Variants in MCC observed in about 807,000 individuals in gnomAD.
The protein encoded by MCC is colorectal mutant cancer protein.
A neutral mutation model predicts 116.2 loss-of-function variants in MCC; 90 were observed. That is an observed-to-expected ratio of 0.77 (90% CI 0.65 to 0.92). The LOEUF is 0.92. MCC is among the 40% of genes least tolerant of loss of function. The pLI, the probability that MCC is intolerant of heterozygous loss-of-function variation, is 0.00. For missense variants in MCC, 1,516 were observed against 1,312.2 expected (o/e 1.16, Z -2.40); for synonymous variants, 578 against 510.5 (o/e 1.13, Z -1.78).
intron 2 of MCC, among the ~76,000 whole-genome samples, chr5:113,353,152 C>T (rs1032719409): frequency 2.6e-5 from 4 of 152,132 alleles, no homozygotes; most frequent in Admixed American, 6.5e-5. Flanking sequence ...AGGCCTTTCA[C>T]GTGCTGTTTT....
chr5:113,068,869 G>A lies in MCC; in HGVS notation c.1926-686C>T, dbSNP rs145440160. ...TGACAGCTTGACCAGAATCTCACAA[G>A]AGACCCTGAACCAGAACCACCTACT... On this transcript the variant is annotated intron_variant, in intron 12 of 18. Coordinates refer to ENST00000408903, the MANE Select transcript of MCC (RefSeq NM_001085377.2). 3.6e-4 allele frequency among the ~76,000 whole-genome samples: 55 copies of A among 152,304 alleles called. 1 individual carries two copies. The highest frequency in any genetic ancestry group is 1.2e-3 in the African/African-American group (48 of 41,556).
rs1167420344 is a variant in MCC, at chr5:113,100,214, A to C, written c.1398+1525T>G. ...TAGCACAAATGAAGAAGAGTTGATA[A>C]CATTCAAAAATAGTAATTTCTTCCA... On this transcript the variant is annotated intron_variant, in intron 8 of 18. Transcript: ENST00000408903. Among the ~76,000 whole-genome samples the C allele has an allele frequency of 2.0e-5, 3 of 152,338 alleles. No individual in the cohort carries two copies. In the Middle Eastern group the frequency reaches 0.01, roughly 518 times the overall value.
chr5:113,116,182 G>A (rs1394892102), intron 6 of MCC, among the ~76,000 whole-genome samples: 1 of 152,162 alleles, frequency 6.6e-6, no homozygotes, highest in East Asian at 1.9e-4. Context: ...CTCATCCCAG[G>A]CCCTGTGACC....
intron 3 of MCC, among the ~76,000 whole-genome samples, chr5:113,289,385 C>G (rs1388413038): frequency 6.6e-6 from 1 of 151,406 alleles, no homozygotes; most frequent in Non-Finnish European, 1.5e-5. Flanking sequence ...TTGGACAAGG[C>G]TCTGTCATTT....
chr5:113,456,622 A>G (rs1771555470), intron 1 of MCC, among the ~76,000 whole-genome samples: 1 of 61,244 alleles, frequency 1.6e-5, no homozygotes, highest in African/African-American at 1.2e-4. Flanking sequence ...ATGCCCAGCT[A>G]ATTTTTTTTT....
intron 6 of MCC, among the ~76,000 whole-genome samples, chr5:113,116,960 G>A (rs758087007): frequency 6.6e-6 from 1 of 152,118 alleles, no homozygotes; most frequent in African/African-American, 2.4e-5. Flanking sequence ...AAAAGAAAAA[G>A]GTAACAAAGG....
chr5:113,035,984 C>A (rs1226124213), intron 17 of MCC, among the ~76,000 whole-genome samples: 1 of 140,376 alleles, frequency 7.1e-6, no homozygotes, highest in African/African-American at 2.6e-5. Context: ...TCAGTACTAT[C>A]ATGATTCTCA....
At chr5:113,169,898 G>C (rs545190723) in intron 3 of MCC, among the ~76,000 whole-genome samples, 1 of 152,200 alleles carries the variant, frequency 6.6e-6, no homozygotes, top group Non-Finnish European at 1.5e-5. Context: ...TGCACTGTTT[G>C]GGAGATCGGC....
At chr5:113,325,824 C>A (rs1767537207) in intron 3 of MCC, among the ~76,000 whole-genome samples, 1 of 152,086 alleles carries the variant, frequency 6.6e-6, no homozygotes, top group South Asian at 2.1e-4. Flanking sequence ...TGGTTTTACT[C>A]CTCTAATACA....
intron 8 of MCC, among the ~76,000 whole-genome samples, chr5:113,093,469 A>C (rs1235479020): frequency 6.7e-6 from 1 of 149,192 alleles, no homozygotes. Context: ...CTATCTGTTG[A>C]TCTCTCTCTC....
At chr5:113,456,158 C>T (rs924377261) in intron 1 of MCC, among the ~76,000 whole-genome samples, 3 of 152,100 alleles carry the variant, frequency 2.0e-5, no homozygotes, top group Admixed American at 6.5e-5. Flanking sequence ...CCAGGCACAC[C>T]ACCTCAGGAC....
In MCC at chr5:113,119,959, G is replaced by A. The variant is rs572124404; in HGVS notation, c.1027+2725C>T. ...CGCCACCTCAAGTCAGGAGGTCCAAGAAGCCCCACAGGAAAGACATCCATG... is the reference window on the plus strand; with the variant it reads ...CGCCACCTCAAGTCAGGAGGTCCAAAAAGCCCCACAGGAAAGACATCCATG... On this transcript the variant is annotated intron_variant, in intron 6 of 18. Coordinates refer to ENST00000408903, the MANE Select transcript of MCC (RefSeq NM_001085377.2). Among the ~76,000 whole-genome samples, 5 of 152,372 alleles carry A rather than the reference G, an allele frequency of 3.3e-5. No homozygotes were observed. The South Asian group carries it at 1.0e-3, about 32-fold the overall frequency.
intron 1 of MCC, among the ~76,000 whole-genome samples, chr5:113,397,820 A>C (rs966465636): frequency 6.6e-6 from 1 of 152,218 alleles, no homozygotes. Flanking sequence ...AATTGCAACA[A>C]AAATAAAAAT....
chr5:113,244,505 T>C (rs920043347), intron 3 of MCC, among the ~76,000 whole-genome samples: 2 of 152,204 alleles, frequency 1.3e-5, no homozygotes, highest in African/African-American at 2.4e-5. Context: ...ACTTTAGACG[T>C]TCCAGCTTTA....
chr5:113,229,824 A>G (rs1477290379), intron 3 of MCC, among the ~76,000 whole-genome samples: 2 of 152,378 alleles, frequency 1.3e-5, no homozygotes, highest in Admixed American at 1.3e-4. Flanking sequence ...TCTGTAGCAT[A>G]GGAGCAACAG....
chr5:113,235,966 T>C (rs1302654404), intron 3 of MCC, among the ~76,000 whole-genome samples: 1 of 152,216 alleles, frequency 6.6e-6, no homozygotes, highest in African/African-American at 2.4e-5. Flanking sequence ...GTTCAGAAGA[T>C]TGAGGCAGCT....
intron 1 of MCC, among the ~76,000 whole-genome samples, chr5:113,446,400 C>G (rs1431448311): frequency 1.4e-5 from 2 of 144,856 alleles, no homozygotes; most frequent in African/African-American, 4.9e-5. Context: ...AATCAACAAG[C>G]AAAAAATATA....
At chr5:113,379,749 T>C (rs1769070562) in intron 2 of MCC, among the ~76,000 whole-genome samples, 1 of 152,206 alleles carries the variant, frequency 6.6e-6, no homozygotes, top group African/African-American at 2.4e-5. Context: ...TATGACGTGT[T>C]TGTTCAGGTG....
chr5:113,160,170 T>A (rs1359283790), intron 3 of MCC, among the ~76,000 whole-genome samples: 2 of 152,154 alleles, frequency 1.3e-5, no homozygotes. Flanking sequence ...CAGGCCCAGG[T>A]ACTCACTGTG....
Sources: gnomAD v4.1 joint callset for allele counts (sites outside exome capture counted in the v4.1 genomes callset) on GRCh38, gnomAD v4.1.1 for gene constraint, MANE v1.5 for transcripts, NCBI Gene and HGNC (gene_info 2026-07-23, HGNC 2026-07-21) for gene names.